Variants in CAMK1D observed in about 807,000 individuals in gnomAD.
The protein encoded by CAMK1D is calcium/calmodulin-dependent protein kinase type 1D.
A neutral mutation model predicts 47.7 loss-of-function variants in CAMK1D; 9 were observed. The ratio of observed to expected loss-of-function variants is 0.19; its 90% confidence interval spans 0.11 to 0.33. The LOEUF (loss-of-function observed/expected upper bound fraction) is 0.33, where lower values mean the gene tolerates loss of function less well. Ranked by LOEUF, CAMK1D falls within the 10% of genes least tolerant of loss-of-function variation. The pLI, the probability that CAMK1D is intolerant of heterozygous loss-of-function variation, is 1.00. For synonymous variants in CAMK1D, 184 were observed against 184.9 expected, an observed-to-expected ratio of 0.99 and a Z score of 0.04; for missense variants, 291 against 488.7, an observed-to-expected ratio of 0.60 and a Z score of 3.81.
chr10:12,750,589 A>G (rs1835897034), intron 3 of CAMK1D, among the ~76,000 whole-genome samples: 1 of 152,210 alleles, frequency 6.6e-6, no homozygotes. Flanking sequence ...AGAGCAGAAG[A>G]GGCCGGGAGG....
chr10:12,350,750 G>C (rs548946209), intron 1 of CAMK1D, among the ~76,000 whole-genome samples: 2 of 152,370 alleles, frequency 1.3e-5, no homozygotes, highest in African/African-American at 4.8e-5. Flanking sequence ...AATAGGTGGG[G>C]AGGCTGATAG....
intron 1 of CAMK1D, among the ~76,000 whole-genome samples, chr10:12,418,819 G>T (rs1424565420): frequency 6.6e-6 from 1 of 152,196 alleles, no homozygotes; most frequent in Non-Finnish European, 1.5e-5. Context: ...GTGTGTCTGG[G>T]AGTTGCAGAC....
chr10:12,768,455 C>T lies in CAMK1D; in HGVS notation c.439-1218C>T, dbSNP rs989230177. Among the ~76,000 whole-genome samples the T allele has an allele frequency of 1.5e-4, 23 of 152,230 alleles. No individual in the cohort carries two copies. In the East Asian group the frequency reaches 2.3e-3, roughly 15 times the overall value. ...GAGAATGTGGCTGTCCCCGCTGGGG[C>T]GGGGGAGGAGAGCTGGATGGGAAAT... is the stretch of plus-strand genomic sequence containing the variant. On this transcript the variant is annotated intron_variant, in intron 4 of 10. Transcript: ENST00000619168.
intron 1 of CAMK1D, among the ~76,000 whole-genome samples, chr10:12,391,955 G>T (rs1838747052): frequency 6.9e-6 from 1 of 144,680 alleles, no homozygotes; most frequent in African/African-American, 2.6e-5. Context: ...AGCCTGGATA[G>T]CAGAGCGAGA....
At chr10:12,781,858 G>C (rs192605203) in intron 5 of CAMK1D, among the ~76,000 whole-genome samples, 1 of 152,200 alleles carries the variant, frequency 6.6e-6, no homozygotes, top group Admixed American at 6.5e-5. Flanking sequence ...ATGTTGGCCA[G>C]GCTGGTCTCA....
intron 3 of CAMK1D, among the ~76,000 whole-genome samples, chr10:12,683,507 G>A (rs987852931): frequency 2.0e-5 from 3 of 152,098 alleles, no homozygotes; most frequent in African/African-American, 7.2e-5. Flanking sequence ...TGGACCGATG[G>A]ATAATGTTAC....
At chr10:12,521,136 C>T (rs1004039294) in intron 1 of CAMK1D, among the ~76,000 whole-genome samples, 2 of 151,836 alleles carry the variant, frequency 1.3e-5, no homozygotes, top group Non-Finnish European at 1.5e-5. Context: ...TGTTCTTATC[C>T]TTATATGTTC....
chr10:12,376,006 T>C (rs1838165954), intron 1 of CAMK1D, among the ~76,000 whole-genome samples: 1 of 150,294 alleles, frequency 6.7e-6, no homozygotes, highest in Non-Finnish European at 1.5e-5. Context: ...CTACGAAAAA[T>C]ACAAAAATCA....
chr10:12,741,543 T>C (rs1295108193), intron 3 of CAMK1D, among the ~76,000 whole-genome samples: 1 of 152,236 alleles, frequency 6.6e-6, no homozygotes, highest in Admixed American at 6.5e-5. Flanking sequence ...CCCTAGAGTT[T>C]GTGGTGCTTC....
intron 1 of CAMK1D, among the ~76,000 whole-genome samples, chr10:12,533,765 TATC>T (rs1379639652): frequency 6.6e-6 from 1 of 152,172 alleles, no homozygotes; most frequent in East Asian, 1.9e-4. Flanking sequence ...GTGGGTTTAT[TATC>T]ATCTCATGTA....
intron 1 of CAMK1D, among the ~76,000 whole-genome samples, chr10:12,453,254 G>A (rs2724815): frequency 0.6 from 90,042 of 150,114 alleles, 27,156 homozygotes; most frequent in Admixed American, 0.63. Flanking sequence ...CAGTGGTGCA[G>A]TCTTGGCTCA....
intron 1 of CAMK1D, among the ~76,000 whole-genome samples, chr10:12,543,789 C>T (rs1203594499): frequency 1.3e-5 from 2 of 152,198 alleles, no homozygotes; most frequent in Admixed American, 1.3e-4. Flanking sequence ...GTCGCTTGGA[C>T]CTCAGATCGT....
At chr10:12,656,834 A>ATG (rs953112675) in intron 2 of CAMK1D, among the ~76,000 whole-genome samples, 2 of 151,946 alleles carry the variant, frequency 1.3e-5, no homozygotes, top group South Asian at 4.2e-4. Context: ...AATATGTTAC[A>ATG]TGTGTGTGTG....
At chr10:12,438,920 T>A (rs554155262) in intron 1 of CAMK1D, among the ~76,000 whole-genome samples, 13 of 152,372 alleles carry the variant, frequency 8.5e-5, no homozygotes, top group African/African-American at 3.1e-4. Context: ...GTTACTTTAA[T>A]TTTTTAAGAA....
chr10:12,443,197 G>T (rs1832832240), intron 1 of CAMK1D, among the ~76,000 whole-genome samples: 1 of 152,142 alleles, frequency 6.6e-6, no homozygotes, highest in Admixed American at 6.5e-5. Context: ...AGACGTTTAT[G>T]TGCGGCAGAT....
At chr10:12,734,463 TAC>T (rs1835078094) in intron 3 of CAMK1D, among the ~76,000 whole-genome samples, 1 of 4,560 alleles carries the variant, frequency 2.2e-4, no homozygotes, top group Non-Finnish European at 7.9e-3. Context: ...TATATACACA[TAC>T]ACATATGTGT....
rs116687761 is a variant in CAMK1D at position 12,351,628 on chromosome 10, T to C, written c.92+1718T>C. The stretch of plus-strand genomic sequence containing the variant: ...GATGCCCTGTCCCCTGACTGACTCG[T>C]GCAGCTGCACCTCTGCAGTGGCGGG... On this transcript the variant is annotated intron_variant, in intron 1 of 10. Transcript: ENST00000619168. Among the ~76,000 whole-genome samples the C allele has an allele frequency of 2.1e-3, 317 of 152,328 alleles. 1 individual carries two copies. The highest frequency in any genetic ancestry group is 7.4e-3 in the African/African-American group (307 of 41,580).
chr10:12,755,713 A>T (rs1195656385), intron 3 of CAMK1D, among the ~76,000 whole-genome samples: 2 of 152,138 alleles, frequency 1.3e-5, no homozygotes, highest in Admixed American at 6.5e-5. Context: ...GTGAGATAGC[A>T]CATGTACCCT....
chr10:12,387,846 C>T (rs758493826), intron 1 of CAMK1D, among the ~76,000 whole-genome samples: 7 of 152,018 alleles, frequency 4.6e-5, no homozygotes, highest in South Asian at 4.1e-4. Context: ...TATCCTCTAT[C>T]GGGATGTAAG....
Sources: gnomAD v4.1 joint callset for allele counts (sites outside exome capture counted in the v4.1 genomes callset) on GRCh38, gnomAD v4.1.1 for gene constraint, MANE v1.5 for transcripts, NCBI Gene and HGNC (gene_info 2026-07-23, HGNC 2026-07-21) for gene names.